The following ADCK1 variants were observed in gnomAD, a reference collection of about 807,000 sequenced individuals.
ADCK1 encodes aarF domain-containing protein kinase 1.
Under a neutral mutation model 52.3 loss-of-function variants are expected in ADCK1, and 41 were observed. That is an observed-to-expected ratio of 0.78 (90% CI 0.61 to 1.02). The LOEUF (loss-of-function observed/expected upper bound fraction) is 1.02, where lower values mean the gene tolerates loss of function less well. Among genes scored for constraint, ADCK1 ranks in the 50% least tolerant of loss-of-function variants. The pLI, the probability that ADCK1 is intolerant of heterozygous loss-of-function variation, is 0.00. For synonymous variants in ADCK1, 250 were observed against 274.6 expected (o/e 0.91, Z 0.89); for missense variants, 658 against 679.5 (o/e 0.97, Z 0.35).
rs180802130 is a variant in ADCK1, at chr14:77,848,769, G to A, written c.220-10307G>A. Among the ~76,000 whole-genome samples the A allele has an allele frequency of 5.8e-3, 884 of 151,338 alleles. 24 individuals are homozygous for A. The highest frequency in any genetic ancestry group is 2.8e-3 in the Non-Finnish European group (189 of 67,850). On this transcript the variant is annotated intron_variant, in intron 3 of 10. Coordinates refer to ENST00000238561, the MANE Select transcript of ADCK1 (RefSeq NM_020421.4). ...AGACATGAGTCACCATGCCCGGCCT[G>A]TTTATTTTTTTTGAGAGAGTGTCTT...
intron 4 of ADCK1, among the ~76,000 whole-genome samples, chr14:77,867,040 G>A (rs2082676315): frequency 6.6e-6 from 1 of 152,152 alleles, no homozygotes; most frequent in Non-Finnish European, 1.5e-5. Context: ...CACCTCCTCT[G>A]TGCCAGGTAC....
chr14:77,911,249 C>T (rs1566728226), intron 7 of ADCK1, among the ~76,000 whole-genome samples: 1 of 152,214 alleles, frequency 6.6e-6, no homozygotes, highest in Non-Finnish European at 1.5e-5. Flanking sequence ...AGGGTTTGAA[C>T]TCAGGTCTGC....
intron 4 of ADCK1, among the ~76,000 whole-genome samples, chr14:77,868,081 GAC>G (rs1165552078): frequency 6.6e-6 from 1 of 152,214 alleles, no homozygotes; most frequent in East Asian, 1.9e-4. Flanking sequence ...AACAAATACT[GAC>G]TCTGTTTGTT....
In ADCK1 at chr14:77,887,141, C is replaced by T. The variant is rs752470821; in HGVS notation, c.474C>T (p.Ser158=). 7.5e-6 allele frequency: 12 copies of T among 1,608,098 alleles called. No homozygotes were observed. The East Asian group carries it at 1.4e-4, about 18-fold the overall frequency. ...SFDDTPLGTA[S]LAQVHKAVLH... is the part of the protein sequence containing the mutation. ...ATGACACCCCTCTGGGGACGGCCTC[C>T]CTGGCCCAGGTCCACAAGGCAGTGC... Residue 158 remains serine (S), a synonymous_variant, in exon 5 of 11, where the codon TCC becomes TCT. Coordinates refer to ENST00000238561, the MANE Select transcript of ADCK1 (RefSeq NM_020421.4).
chr14:77,815,733 G>A (rs1210859753), intron 1 of ADCK1, among the ~76,000 whole-genome samples: 4 of 151,578 alleles, frequency 2.6e-5, no homozygotes, highest in Admixed American at 2.6e-4. Flanking sequence ...TGGCCAGGCT[G>A]GTCTTGAACT....
At chr14:77,828,198 A>G (rs2081761165) in intron 3 of ADCK1, among the ~76,000 whole-genome samples, 1 of 152,116 alleles carries the variant, frequency 6.6e-6, no homozygotes, top group Non-Finnish European at 1.5e-5. Flanking sequence ...TCCTTACCTC[A>G]GGTGATTCAC....
chr14:77,864,931 A>C (rs938962266), intron 4 of ADCK1, among the ~76,000 whole-genome samples: 1 of 152,182 alleles, frequency 6.6e-6, no homozygotes, highest in Non-Finnish European at 1.5e-5. Context: ...ATCTGATTGC[A>C]TGAGGCCCAC....
intron 1 of ADCK1, among the ~76,000 whole-genome samples, chr14:77,805,668 T>C (rs2081208714): frequency 6.6e-6 from 1 of 151,982 alleles, no homozygotes; most frequent in East Asian, 1.9e-4. Context: ...ATGCCTGGCA[T>C]GTTTGAGGAA....
chr14:77,867,701 C>T (rs2082691671), intron 4 of ADCK1, among the ~76,000 whole-genome samples: 1 of 152,208 alleles, frequency 6.6e-6, no homozygotes, highest in Admixed American at 6.5e-5. Flanking sequence ...GACCTTCTCC[C>T]TGTGACCACT....
At position 77,863,954 on chromosome 14, in the gene ADCK1, G is replaced by T. The variant is rs77672406; in HGVS notation, c.423+4675G>T. On this transcript the variant is annotated intron_variant, in intron 4 of 10. Coordinates refer to ENST00000238561, the MANE Select transcript of ADCK1 (RefSeq NM_020421.4). Reference sequence around the variant, plus strand: ...CTGAAGGAAATGAGGCCAGCTGCTGGCATGGAGCACAGAAATACCTCTGTT... The same window carrying T: ...CTGAAGGAAATGAGGCCAGCTGCTGTCATGGAGCACAGAAATACCTCTGTT... Among the ~76,000 whole-genome samples the T allele has an allele frequency of 2.9e-4, 44 of 152,252 alleles. No homozygotes were observed. The East Asian group carries it at 8.5e-3, about 29-fold the overall frequency.
At chr14:77,867,238 C>T (rs909572919) in intron 4 of ADCK1, among the ~76,000 whole-genome samples, 3 of 152,172 alleles carry the variant, frequency 2.0e-5, no homozygotes, top group African/African-American at 7.2e-5. Context: ...GTCCTGAGCA[C>T]CACCTTTGTT....
At chr14:77,870,154 A>G (rs372969612) in intron 4 of ADCK1, among the ~76,000 whole-genome samples, 3 of 152,360 alleles carry the variant, frequency 2.0e-5, no homozygotes, top group African/African-American at 7.2e-5. Context: ...TGTAACCTTT[A>G]CAATAACTCT....
chr14:77,842,980 C>T (rs4411442), intron 3 of ADCK1, among the ~76,000 whole-genome samples: 56,945 of 150,334 alleles, frequency 0.38, 11,551 homozygotes, highest in Admixed American at 0.51. Flanking sequence ...TCCTCCACCT[C>T]CTGGGTTCAA....
At chr14:77,877,164 G>A (rs1413387776) in intron 4 of ADCK1, among the ~76,000 whole-genome samples, 3 of 152,200 alleles carry the variant, frequency 2.0e-5, no homozygotes, top group Non-Finnish European at 2.9e-5. Context: ...GCAGTGAGCT[G>A]AGATCATGCC....
At chr14:77,821,004 C>A (rs188768179) in intron 2 of ADCK1, 1 of 152,162 alleles carries the variant, frequency 6.6e-6, no homozygotes. Context: ...GTGTGAGCCA[C>A]CACACCCGGC....
At chr14:77,838,588 G>A (rs2082005992) in intron 3 of ADCK1, among the ~76,000 whole-genome samples, 1 of 152,116 alleles carries the variant, frequency 6.6e-6, no homozygotes, top group South Asian at 2.1e-4. Context: ...AGTAAAGATG[G>A]GGTTTCACCA....
At chr14:77,901,047 T>TTC (rs1474096496) in intron 6 of ADCK1, among the ~76,000 whole-genome samples, 2 of 146,154 alleles carry the variant, frequency 1.4e-5, no homozygotes, top group African/African-American at 5.0e-5. Flanking sequence ...TTGGTGTTCT[T>TTC]TTTTTTTTTT....
intron 6 of ADCK1, among the ~76,000 whole-genome samples, chr14:77,907,060 C>T (rs1007320235): frequency 7.9e-5 from 12 of 152,076 alleles, no homozygotes; most frequent in African/African-American, 2.4e-4. Flanking sequence ...ATCACAGGCA[C>T]GCACCACTAT....
chr14:77,832,796 G>A (rs1006777363), intron 3 of ADCK1, among the ~76,000 whole-genome samples: 4 of 152,212 alleles, frequency 2.6e-5, no homozygotes. Flanking sequence ...CCAGTCTAGT[G>A]AAGGTATAAT....
Sources: gnomAD v4.1 joint callset for allele counts (sites outside exome capture counted in the v4.1 genomes callset) on GRCh38, gnomAD v4.1.1 for gene constraint, MANE v1.5 for transcripts, NCBI Gene and HGNC (gene_info 2026-07-23, HGNC 2026-07-21) for gene names.